The following GPC6 variants were observed in gnomAD, a reference collection of about 807,000 sequenced individuals.
GPC6 encodes the protein glypican 6.
Under a neutral mutation model 55.2 loss-of-function variants are expected in GPC6, and 14 were observed. The observed-to-expected ratio is 0.25, with a 90% CI of 0.17 to 0.40. The LOEUF (loss-of-function observed/expected upper bound fraction) is 0.40. GPC6 is among the 10% of genes least tolerant of loss of function. GPC6 has a pLI of 1.00. For synonymous variants in GPC6, 278 were observed against 259.6 expected, an observed-to-expected ratio of 1.07 and a Z score of -0.68; for missense variants, 641 against 708.5, an observed-to-expected ratio of 0.90 and a Z score of 1.08.
At chr13:94,131,539 GA>G (rs1412617641) in intron 4 of GPC6, among the ~76,000 whole-genome samples, 1 of 152,096 alleles carries the variant, frequency 6.6e-6, no homozygotes, top group Non-Finnish European at 1.5e-5. Flanking sequence ...ATGGTCTTGA[GA>G]ATTGTCTTCA....
chr13:93,962,978 A>G lies in GPC6; in HGVS notation c.712-64751A>G, dbSNP rs1879856030. On this transcript the variant is annotated intron_variant, in intron 3 of 8. Coordinates refer to ENST00000377047, the MANE Select transcript of GPC6 (RefSeq NM_005708.5). ...ATTAATATTTATTGAAGCAAAATCC[A>G]TCATGGAGAATTCATAATACCTTTT... Among the ~76,000 whole-genome samples, 4 of 152,160 alleles carry G rather than the reference A, an allele frequency of 2.6e-5. No homozygotes were observed. The South Asian group carries it at 8.3e-4, about 31-fold the overall frequency.
chr13:93,980,611 G>A (rs1293353921), intron 3 of GPC6, among the ~76,000 whole-genome samples: 1 of 152,094 alleles, frequency 6.6e-6, no homozygotes, highest in East Asian at 1.9e-4. Context: ...ATTGCCTTGG[G>A]CCACAGGAGC....
At chr13:94,033,126 G>A (rs1205671621) in intron 4 of GPC6, among the ~76,000 whole-genome samples, 1 of 152,200 alleles carries the variant, frequency 6.6e-6, no homozygotes, top group Non-Finnish European at 1.5e-5. Context: ...AATATTCTAA[G>A]AGGCTGTTCT....
intron 4 of GPC6, among the ~76,000 whole-genome samples, chr13:94,231,117 A>G (rs983648693): frequency 6.6e-6 from 1 of 152,140 alleles, no homozygotes; most frequent in African/African-American, 2.4e-5. Context: ...AGCCTAGCAC[A>G]AGGTTTGGTG....
rs148126192 is a variant in GPC6, at chr13:93,277,592, A to G, written c.160+49976A>G. ...ATCTGAGCTTGAATTTGAAATGCTC[A>G]GAGATTTCTAGAGACTGAAAAATGA... is the stretch of plus-strand genomic sequence containing the variant. On this transcript the variant is annotated intron_variant, in intron 1 of 8. Transcript: ENST00000377047. Among the ~76,000 whole-genome samples, 668 of 152,336 alleles carry G rather than the reference A, an allele frequency of 4.4e-3. 5 individuals are homozygous for G. Among genetic ancestry groups the G allele is most frequent in the African/African-American group, 0.015 (644 of 41,582 alleles).
At chr13:93,300,718 A>C (rs1032393044) in intron 1 of GPC6, among the ~76,000 whole-genome samples, 2 of 150,658 alleles carry the variant, frequency 1.3e-5, no homozygotes, top group African/African-American at 4.9e-5. Context: ...TCTTTCCTTT[A>C]TATAGAATTT....
At chr13:93,619,289 T>C (rs1204360156) in intron 2 of GPC6, among the ~76,000 whole-genome samples, 1 of 152,168 alleles carries the variant, frequency 6.6e-6, no homozygotes, top group Non-Finnish European at 1.5e-5. Flanking sequence ...AATTTATGAA[T>C]AAGTCAGTCT....
chr13:94,030,153 C>T (rs1284333441), intron 4 of GPC6, among the ~76,000 whole-genome samples: 1 of 152,060 alleles, frequency 6.6e-6, no homozygotes, highest in East Asian at 1.9e-4. Flanking sequence ...GGACTACAGG[C>T]GCCCGACACC....
intron 1 of GPC6, among the ~76,000 whole-genome samples, chr13:93,411,120 G>A (rs999512387): frequency 2.6e-5 from 4 of 152,090 alleles, no homozygotes; most frequent in Admixed American, 6.5e-5. Flanking sequence ...ATATTTCCTC[G>A]AAGGCTGGTC....
chr13:93,641,701 C>G (rs1879950870), intron 2 of GPC6, among the ~76,000 whole-genome samples: 2 of 151,940 alleles, frequency 1.3e-5, no homozygotes, highest in African/African-American at 2.4e-5. Flanking sequence ...GGTTGATCAA[C>G]CAGTAGGTCA....
Position 93,309,680 on chromosome 13 carries a change from G to A in GPC6, c.160+82064G>A, listed in dbSNP as rs142440178. On this transcript the variant is annotated intron_variant, in intron 1 of 8. Transcript: ENST00000377047. ...AAGAAGCTATCATTATTTTCATGAA[G>A]CCATAATTTTGTTACTTTTTATTTT... Among the ~76,000 whole-genome samples, 501 of 152,236 alleles carry A rather than the reference G, an allele frequency of 3.3e-3. 2 individuals are homozygous for A. Among genetic ancestry groups the A allele is most frequent in the African/African-American group, 0.011 (477 of 41,556 alleles).
intron 2 of GPC6, among the ~76,000 whole-genome samples, chr13:93,698,216 A>C (rs1436185566): frequency 2.0e-5 from 3 of 152,020 alleles, no homozygotes; most frequent in Non-Finnish European, 4.4e-5. Context: ...CTAATTAATA[A>C]TGTCTTTATT....
chr13:93,995,845 C>G (rs1028569632), intron 3 of GPC6, among the ~76,000 whole-genome samples: 2 of 152,082 alleles, frequency 1.3e-5, no homozygotes, highest in South Asian at 4.1e-4. Context: ...TAATTCTACC[C>G]TAACAGAACA....
chr13:93,386,711 G>C (rs1482811691), intron 1 of GPC6, among the ~76,000 whole-genome samples: 1 of 152,194 alleles, frequency 6.6e-6, no homozygotes, highest in Admixed American at 6.5e-5. Context: ...ACACTAGGTG[G>C]TGTCTTAAGA....
chr13:93,447,830 C>A (rs955339851), intron 1 of GPC6, among the ~76,000 whole-genome samples: 2 of 152,104 alleles, frequency 1.3e-5, no homozygotes, highest in Non-Finnish European at 2.9e-5. Flanking sequence ...TTTCAGTGAA[C>A]CTCTCATCAT....
chr13:93,577,490 C>T (rs1178092496), intron 2 of GPC6, among the ~76,000 whole-genome samples: 12 of 27,116 alleles, frequency 4.4e-4, no homozygotes, highest in Admixed American at 3.2e-3. Context: ...AAATAGATAG[C>T]ATTTTTTTTT....
intron 3 of GPC6, among the ~76,000 whole-genome samples, chr13:93,865,394 G>T (rs1398381622): frequency 6.6e-6 from 1 of 151,738 alleles, no homozygotes; most frequent in Non-Finnish European, 1.5e-5. Context: ...TGCCAATAAT[G>T]ATGGACAGCG....
At chr13:94,205,275 A>C (rs1889867617) in intron 4 of GPC6, among the ~76,000 whole-genome samples, 1 of 152,192 alleles carries the variant, frequency 6.6e-6, no homozygotes, top group Admixed American at 6.5e-5. Flanking sequence ...TTAAGGTTGC[A>C]CTTGAGGTCT....
chr13:93,710,936 TAA>T (rs931849334), intron 2 of GPC6, among the ~76,000 whole-genome samples: 2 of 151,842 alleles, frequency 1.3e-5, no homozygotes, highest in Non-Finnish European at 2.9e-5. Context: ...TACTCAATGT[TAA>T]AAATAAATTA....
Sources: gnomAD v4.1 joint callset for allele counts (sites outside exome capture counted in the v4.1 genomes callset) on GRCh38, gnomAD v4.1.1 for gene constraint, MANE v1.5 for transcripts, NCBI Gene and HGNC (gene_info 2026-07-23, HGNC 2026-07-21) for gene names.